Variants in CREB5 observed in about 807,000 individuals in gnomAD.
CREB5 encodes the protein cAMP responsive element binding protein 5.
CREB5 carries 19 observed loss-of-function variants against 57.1 expected under a neutral mutation model. The observed-to-expected ratio is 0.33, with a 90% CI of 0.23 to 0.49. CREB5 has a LOEUF of 0.49. CREB5 is among the 20% of genes least tolerant of loss of function. The probability of loss-of-function intolerance (pLI) is 0.99; values close to 1 mark genes in which losing one functional copy is unlikely to be tolerated. For missense variants in CREB5, 579 were observed against 671.6 expected (o/e 0.86, Z 1.52); for synonymous variants, 238 against 238.3 (o/e 1.00, Z 0.01).
chr7:28,647,327 C>T (rs1286499959), intron 5 of CREB5, among the ~76,000 whole-genome samples: 2 of 151,990 alleles, frequency 1.3e-5, no homozygotes, highest in Non-Finnish European at 2.9e-5. Context: ...ATCCAATTGA[C>T]CAAGCCTGCA....
chr7:28,710,996 G>A (rs1054462735), intron 5 of CREB5, among the ~76,000 whole-genome samples: 5 of 152,196 alleles, frequency 3.3e-5, no homozygotes, highest in African/African-American at 1.2e-4. Flanking sequence ...CAGGAAGACA[G>A]ATGGCGCTTC....
chr7:28,308,882 A>G (rs1021001768), intron 1 of CREB5, among the ~76,000 whole-genome samples: 1 of 152,212 alleles, frequency 6.6e-6, no homozygotes, highest in Middle Eastern at 3.2e-3. Flanking sequence ...TTGATCAAAC[A>G]TGATTCTGGA....
intron 1 of CREB5, among the ~76,000 whole-genome samples, chr7:28,356,172 A>AG (rs1786337653): frequency 6.6e-6 from 1 of 152,194 alleles, no homozygotes; most frequent in African/African-American, 2.4e-5. Flanking sequence ...TAAATAAATC[A>AG]GGGGGCACTT....
At chr7:28,326,741 A>T (rs555538263) in intron 1 of CREB5, among the ~76,000 whole-genome samples, 1 of 152,324 alleles carries the variant, frequency 6.6e-6, no homozygotes, top group African/African-American at 2.4e-5. Context: ...GTTGCATATA[A>T]TTCTTATTAT....
chr7:28,698,438 C>A (rs550201608), intron 5 of CREB5, among the ~76,000 whole-genome samples: 1 of 151,890 alleles, frequency 6.6e-6, no homozygotes, highest in Non-Finnish European at 1.5e-5. Context: ...AGAAAATAAC[C>A]CCACGACTCA....
chr7:28,429,673 A>C (rs7803819), intron 1 of CREB5, among the ~76,000 whole-genome samples: 63,633 of 151,918 alleles, frequency 0.42, 14,471 homozygotes, highest in African/African-American at 0.56. Context: ...AAAGAAAAGG[A>C]ATTTAAGGCT....
chr7:28,622,125 T>G (rs1047674352), intron 5 of CREB5, among the ~76,000 whole-genome samples: 5 of 152,190 alleles, frequency 3.3e-5, no homozygotes, highest in African/African-American at 9.6e-5. Context: ...AGGTTTGAGA[T>G]AGTGTGCACA....
chr7:28,481,268 A>T (rs962192085), intron 1 of CREB5, among the ~76,000 whole-genome samples: 1 of 152,240 alleles, frequency 6.6e-6, no homozygotes, highest in Non-Finnish European at 1.5e-5. Flanking sequence ...ACGCAATCCC[A>T]AAGGGGGCTG....
At chr7:28,348,422 A>T (rs1381058253) in intron 1 of CREB5, among the ~76,000 whole-genome samples, 320 of 151,544 alleles carry the variant, frequency 2.1e-3, no homozygotes, top group African/African-American at 7.1e-3. Flanking sequence ...ACACACACAC[A>T]CACACACACA....
chr7:28,676,478 C>T (rs988388406), intron 5 of CREB5, among the ~76,000 whole-genome samples: 2 of 152,158 alleles, frequency 1.3e-5, no homozygotes, highest in Admixed American at 6.5e-5. Flanking sequence ...ACTCACAGGT[C>T]GCGATCCTCA....
chr7:28,380,332 C>G (rs776863468), intron 1 of CREB5, among the ~76,000 whole-genome samples: 12 of 152,294 alleles, frequency 7.9e-5, no homozygotes, highest in African/African-American at 2.9e-4. Context: ...TGCTATCCTT[C>G]GTGGAGGCTG....
At chr7:28,779,381 G>A (rs1175440902) in intron 7 of CREB5, among the ~76,000 whole-genome samples, 3 of 152,198 alleles carry the variant, frequency 2.0e-5, no homozygotes, top group Non-Finnish European at 2.9e-5. Flanking sequence ...TTATCAACTG[G>A]AATTTTTGTT....
chr7:28,466,064 A>C (rs1248556158), intron 1 of CREB5, among the ~76,000 whole-genome samples: 2 of 152,230 alleles, frequency 1.3e-5, no homozygotes, highest in African/African-American at 4.8e-5. Flanking sequence ...AAATGAAATA[A>C]AAACAGACCT....
In CREB5 at chr7:28,787,286, G is replaced by A. The variant is rs189632408; in HGVS notation, c.703-16913G>A. Among the ~76,000 whole-genome samples the A allele has an allele frequency of 1.1e-4, 16 of 152,288 alleles. No homozygotes were observed. The East Asian group carries it at 3.1e-3, about 29-fold the overall frequency. On this transcript the variant is annotated intron_variant, in intron 7 of 10. Transcript: ENST00000357727. ...ATGCCACAGAAATTACATAGCACAT[G>A]GGCTGTTAGCACTTTCATACTTCCT...
intron 5 of CREB5, among the ~76,000 whole-genome samples, chr7:28,596,327 G>A (rs1796690743): frequency 6.6e-6 from 1 of 152,106 alleles, no homozygotes; most frequent in African/African-American, 2.4e-5. Flanking sequence ...ACAAAAGAAA[G>A]GAGCCAACTA....
chr7:28,330,422 G>GTTTTTTT (rs1562659956), intron 1 of CREB5, among the ~76,000 whole-genome samples: 1 of 50,640 alleles, frequency 2.0e-5, no homozygotes, highest in African/African-American at 7.6e-5. Context: ...TTTTTTTTTT[G>GTTTTTTT]CATATTTAGT....
intron 5 of CREB5, 64 bp from the exon 6 acceptor site, chr7:28,718,689 G>T: frequency 6.3e-7 from 1 of 1,597,644 alleles, no homozygotes; most frequent in South Asian, 1.1e-5. Flanking sequence ...TGCTGTTCTG[G>T]ACACTGGGGA....
At position 28,757,716 on chromosome 7, in the gene CREB5, G is replaced by A. The variant is rs991829860; in HGVS notation, c.702+33384G>A. ...TAATAGTATGAATTGTGGTAGTAGT[G>A]GTGGTGATGGTACAGGTGGAGTATC... On this transcript the variant is annotated intron_variant, in intron 7 of 10. Coordinates refer to ENST00000357727, the MANE Select transcript of CREB5 (RefSeq NM_182898.4). Among the ~76,000 whole-genome samples the A allele has an allele frequency of 3.6e-4, 55 of 151,954 alleles. 1 individual carries two copies. Among genetic ancestry groups the A allele is most frequent in the Admixed American group, 4.6e-4 (7 of 15,258 alleles).
At chr7:28,377,903 G>T (rs1258210491) in intron 1 of CREB5, among the ~76,000 whole-genome samples, 3 of 118,746 alleles carry the variant, frequency 2.5e-5, no homozygotes, top group Non-Finnish European at 4.8e-5. Flanking sequence ...CTGCACTCCA[G>T]CCTGGGAGAC....
Sources: allele counts gnomAD v4.1 joint callset (sites outside exome capture counted in the v4.1 genomes callset), GRCh38; gene constraint gnomAD v4.1.1; transcripts MANE v1.5; gene names NCBI Gene and HGNC (gene_info 2026-07-23, HGNC 2026-07-21).